Variants in MARCHF4 observed in about 807,000 individuals in gnomAD.
MARCHF4 encodes E3 ubiquitin-protein ligase MARCHF4.
MARCHF4 carries 14 observed loss-of-function variants against 43.9 expected under a neutral mutation model. The observed-to-expected ratio is 0.32, with a 90% confidence interval of 0.21 to 0.50. The LOEUF (loss-of-function observed/expected upper bound fraction) is 0.50. MARCHF4 is among the 20% of genes least tolerant of loss of function. The pLI is 0.98. For synonymous variants in MARCHF4, 226 were observed against 213.3 expected (o/e 1.06, Z -0.52); for missense variants, 468 against 536.7 (o/e 0.87, Z 1.27).
intron 1 of MARCHF4, among the ~76,000 whole-genome samples, chr2:216,304,495 T>A (rs558748509): frequency 7.0e-4 from 106 of 152,330 alleles, no homozygotes; most frequent in Non-Finnish European, 1.3e-3. Flanking sequence ...TTGAATGGTT[T>A]CCCTCAGGCC....
intron 2 of MARCHF4, among the ~76,000 whole-genome samples, chr2:216,281,832 G>C (rs1280990162): frequency 6.6e-6 from 1 of 152,158 alleles, no homozygotes; most frequent in African/African-American, 2.4e-5. Context: ...ATATCCATAT[G>C]GATCCTTATA....
chr2:216,311,177 T>C (rs1296565438), intron 1 of MARCHF4, among the ~76,000 whole-genome samples: 2 of 152,194 alleles, frequency 1.3e-5, no homozygotes, highest in African/African-American at 4.8e-5. Flanking sequence ...TCCCATGCCA[T>C]TAAGTAATTC....
At chr2:216,266,435 G>C (rs529566424) in intron 3 of MARCHF4, among the ~76,000 whole-genome samples, 2 of 152,164 alleles carry the variant, frequency 1.3e-5, no homozygotes, top group Admixed American at 6.5e-5. Flanking sequence ...TTCTTCATTG[G>C]CAACCTTGTC....
chr2:216,317,870 C>T (rs1477482411), intron 1 of MARCHF4, among the ~76,000 whole-genome samples: 1 of 152,192 alleles, frequency 6.6e-6, no homozygotes, highest in Non-Finnish European at 1.5e-5. Context: ...AATTCCAGGA[C>T]AGTTTGTGCT....
At chr2:216,346,290 A>C (rs1418451362) in intron 1 of MARCHF4, among the ~76,000 whole-genome samples, 1 of 151,638 alleles carries the variant, frequency 6.6e-6, no homozygotes, top group Non-Finnish European at 1.5e-5. Context: ...ACCCCATCAA[A>C]GGCAAGCTCT....
At chr2:216,365,346 C>A (rs77007115) in intron 1 of MARCHF4, among the ~76,000 whole-genome samples, 3 of 152,264 alleles carry the variant, frequency 2.0e-5, no homozygotes, top group South Asian at 4.1e-4. Flanking sequence ...TCCAGATACA[C>A]GTCCTACTTT....
At chr2:216,297,321 T>G (rs1169246352) in intron 1 of MARCHF4, among the ~76,000 whole-genome samples, 1 of 152,184 alleles carries the variant, frequency 6.6e-6, no homozygotes, top group Non-Finnish European at 1.5e-5. Flanking sequence ...GGAAGGGAGC[T>G]CTGGGGTCTT....
At chr2:216,352,882 G>A (rs1203598047) in intron 1 of MARCHF4, among the ~76,000 whole-genome samples, 2 of 152,148 alleles carry the variant, frequency 1.3e-5, no homozygotes, top group African/African-American at 4.8e-5. Context: ...AAGAAGACAG[G>A]AGCTGTGTTC....
intron 3 of MARCHF4, among the ~76,000 whole-genome samples, chr2:216,261,920 C>A (rs57212054): frequency 0.033 from 5,056 of 152,120 alleles, 107 homozygotes; most frequent in Non-Finnish European, 0.048. Context: ...GACCCAAAAG[C>A]CTAGGGAAGG....
Position 216,370,073 on chromosome 2 carries a change from G to A in MARCHF4, c.188C>T (p.Pro63Leu). 1 of 1,574,874 alleles carries A rather than the reference G, an allele frequency of 6.3e-7. No individual in the cohort carries two copies. The highest frequency in any genetic ancestry group is 8.6e-7 in the Non-Finnish European group (1 of 1,160,308). The stretch of plus-strand genomic sequence containing the variant: ...GGGGGGCTGGGGGTCGCCGTGCATG[G>A]GCAGGGGCGCTTGAGGAGGGCGCCG... ...LLRRPPQAPL[P>L]MHGDPQPPGL... Residue 63 changes from proline to leucine, a missense_variant, in exon 1 of 4, where the codon CCC (proline) becomes CTC (leucine). Physicochemically the swap from Pro to Leu is moderately conservative, Grantham distance 98 (BLOSUM62 -3). Transcript: ENST00000273067.
intron 1 of MARCHF4, among the ~76,000 whole-genome samples, chr2:216,354,901 T>TTCTTTCTTTCTTTC (rs1692460892): frequency 3.7e-5 from 2 of 53,986 alleles, no homozygotes; most frequent in Non-Finnish European, 6.8e-5. Flanking sequence ...TTTTCTTTCT[T>TTCTTTCTTTCTTTC]TCTTTCTTTC....
intron 1 of MARCHF4, among the ~76,000 whole-genome samples, chr2:216,356,052 A>C (rs1352578733): frequency 6.6e-6 from 1 of 152,238 alleles, no homozygotes; most frequent in Non-Finnish European, 1.5e-5. Context: ...TTATTGCTCC[A>C]TAGAGGCTTA....
At chr2:216,323,751 T>A (rs941074420) in intron 1 of MARCHF4, among the ~76,000 whole-genome samples, 1 of 152,086 alleles carries the variant, frequency 6.6e-6, no homozygotes, top group Non-Finnish European at 1.5e-5. Flanking sequence ...AATAAAGATG[T>A]TCTTTGAAAC....
intron 1 of MARCHF4, among the ~76,000 whole-genome samples, chr2:216,363,635 C>A (rs190373087): frequency 1.3e-5 from 2 of 152,300 alleles, no homozygotes; most frequent in East Asian, 3.9e-4. Context: ...TTGGAGGTAA[C>A]TGTGCTCCCC....
chr2:216,305,817 T>C (rs1479154629), intron 1 of MARCHF4, among the ~76,000 whole-genome samples: 2 of 152,146 alleles, frequency 1.3e-5, no homozygotes, highest in Non-Finnish European at 2.9e-5. Flanking sequence ...TTGCCAACCG[T>C]CTCCCTGTAC....
chr2:216,332,677 G>C (rs1333855055), intron 1 of MARCHF4, among the ~76,000 whole-genome samples: 1 of 152,082 alleles, frequency 6.6e-6, no homozygotes, highest in African/African-American at 2.4e-5. Flanking sequence ...ACTTTGCTGA[G>C]AGAAATTTAA....
At chr2:216,358,886 G>T (rs1692538241) in intron 1 of MARCHF4, among the ~76,000 whole-genome samples, 2 of 152,222 alleles carry the variant, frequency 1.3e-5, no homozygotes, top group Admixed American at 1.3e-4. Flanking sequence ...TTAGTGAGCT[G>T]TGAGGGATAG....
chr2:216,310,675 G>A (rs1691671870), intron 1 of MARCHF4, among the ~76,000 whole-genome samples: 1 of 152,200 alleles, frequency 6.6e-6, no homozygotes. Context: ...AACCTTCAAA[G>A]TAGTGGTGGG....
intron 2 of MARCHF4, among the ~76,000 whole-genome samples, chr2:216,279,475 G>C (rs1487763025): frequency 6.6e-6 from 1 of 152,176 alleles, no homozygotes; most frequent in Non-Finnish European, 1.5e-5. Context: ...GGGAAGGTAG[G>C]GGGAGGACAT....
Sources: gnomAD v4.1 joint callset for allele counts (sites outside exome capture counted in the v4.1 genomes callset) on GRCh38, gnomAD v4.1.1 for gene constraint, MANE v1.5 for transcripts, NCBI Gene and HGNC (gene_info 2026-07-23, HGNC 2026-07-21) for gene names.